The following SLC2A14 variants were observed in gnomAD, a reference collection of about 807,000 sequenced individuals.
SLC2A14 encodes the protein solute carrier family 2, facilitated glucose transporter member 14.
In SLC2A14, 13 loss-of-function variants were observed where a neutral mutation model predicts 43.0. That is an observed-to-expected ratio of 0.30 (90% CI 0.20 to 0.48). The LOEUF is 0.48. SLC2A14 is among the 20% of genes least tolerant of loss of function. The pLI is 0.99. For synonymous variants in SLC2A14, 190 were observed against 233.8 expected, an observed-to-expected ratio of 0.81 and a Z score of 1.71; for missense variants, 428 against 620.4, an observed-to-expected ratio of 0.69 and a Z score of 3.29.
upstream of SLC2A14, chr12:7,873,094 G>C (rs1041764763): frequency 6.4e-4 from 627 of 985,440 alleles, no homozygotes; most frequent in African/African-American, 0.01. Context: ...CGCACCGCAC[G>C]GTCCAGCCCC....
intron 1 of SLC2A14, among the ~76,000 whole-genome samples, chr12:7,882,330 G>A (rs1333416787): frequency 6.6e-6 from 1 of 151,810 alleles, no homozygotes; most frequent in African/African-American, 2.4e-5. Flanking sequence ...CAACCCACCA[G>A]AAGGAAAAAA....
At chr12:7,866,715 G>A (rs761642819) in intron 2 of SLC2A14, among the ~76,000 whole-genome samples, 2 of 152,260 alleles carry the variant, frequency 1.3e-5, no homozygotes, top group Admixed American at 1.3e-4. Flanking sequence ...AGCTGTAGAA[G>A]AAATGTTAGA....
At chr12:7,828,609 G>T in intron 6 of SLC2A14, 95 bp downstream of exon 6, 1 of 1,313,796 alleles carries the variant, frequency 7.6e-7, no homozygotes, top group Non-Finnish European at 1.1e-6. Context: ...CTGACGGGCA[G>T]GGAAAGGGTA....
chr12:7,836,799 G>A (rs1865498444), intron 2 of SLC2A14, among the ~76,000 whole-genome samples: 1 of 151,886 alleles, frequency 6.6e-6, no homozygotes, highest in East Asian at 1.9e-4. Context: ...TCATGCCACT[G>A]CACACCAGCC....
At chr12:7,843,917 A>G (rs1227869256) in intron 2 of SLC2A14, among the ~76,000 whole-genome samples, 2 of 150,204 alleles carry the variant, frequency 1.3e-5, no homozygotes, top group Non-Finnish European at 3.0e-5. Context: ...ATTGTTTTCT[A>G]GTGGTGATAG....
intron 1 of SLC2A14, among the ~76,000 whole-genome samples, chr12:7,883,081 C>T (rs1449831006): frequency 2.0e-5 from 3 of 150,736 alleles, no homozygotes; most frequent in Non-Finnish European, 4.4e-5. Flanking sequence ...TGGTGGTGGG[C>T]ACCTGTAATC....
In SLC2A14 at chr12:7,826,861, T is replaced by TCTTTCTTC. The variant is rs1555121667; in HGVS notation, c.864+633_864+634insGAAGAAAG. Among the ~76,000 whole-genome samples the TCTTTCTTC allele has an allele frequency of 2.2e-4, 13 of 60,328 alleles. 1 individual carries two copies. The East Asian group carries it at 4.2e-3, about 19-fold the overall frequency. 39.6% of individuals were successfully genotyped at this position (60,328 alleles called of 152,430 possible). A position where few individuals can be genotyped will look rare whatever the true frequency, so the allele number is the denominator to read the frequency against. ...TCCTTCCTTCCTTCCTTCCTTTCTT[T>TCTTTCTTC]TTTCTTTCTTTCTTTCTTTCTTTCT... On this transcript the variant is annotated intron_variant, in intron 7 of 10. Coordinates refer to ENST00000431042, the MANE Select transcript of SLC2A14 (RefSeq NM_001286234.2).
intron 2 of SLC2A14, among the ~76,000 whole-genome samples, chr12:7,860,078 A>C (rs1010328956): frequency 1.3e-5 from 2 of 152,156 alleles, no homozygotes; most frequent in African/African-American, 4.8e-5. Flanking sequence ...CATCCTTGGT[A>C]TTACCAGAGC....
upstream of SLC2A14, among the ~76,000 whole-genome samples, chr12:7,878,377 G>A (rs989119921): frequency 1.3e-5 from 2 of 151,916 alleles, no homozygotes; most frequent in Admixed American, 6.6e-5. Flanking sequence ...TCCTGCCTCA[G>A]TCTCCTGGGT....
chr12:7,830,816 G>C (rs1413888994), intron 4 of SLC2A14, among the ~76,000 whole-genome samples: 1 of 152,076 alleles, frequency 6.6e-6, no homozygotes, highest in East Asian at 1.9e-4. Flanking sequence ...TACTAAGCTA[G>C]TATAAAATAA....
At chr12:7,816,055 C>T (rs1863418069) in intron 10 of SLC2A14, among the ~76,000 whole-genome samples, 1 of 150,908 alleles carries the variant, frequency 6.6e-6, no homozygotes, top group Non-Finnish European at 1.5e-5. Context: ...CGCCTGCCAC[C>T]ACACCCAGCT....
At chr12:7,885,249 G>A (rs1565591516) in intron 1 of SLC2A14, among the ~76,000 whole-genome samples, 1 of 152,108 alleles carries the variant, frequency 6.6e-6, no homozygotes. Flanking sequence ...GGCAGATCAC[G>A]AGGTCAGGCA....
intron 2 of SLC2A14, among the ~76,000 whole-genome samples, chr12:7,866,612 C>T (rs1016969883): frequency 6.6e-6 from 1 of 152,096 alleles, no homozygotes; most frequent in African/African-American, 2.4e-5. Context: ...GTGATCCACC[C>T]GCCTCAGCCT....
rs769226487 is a variant in SLC2A14 at position 7,814,339 on chromosome 12, T to C, written c.1471A>G (p.Lys491Glu). 1.9e-6 allele frequency: 3 copies of C among 1,608,724 alleles called. No homozygotes were observed. In the South Asian group the frequency reaches 3.3e-5, roughly 18 times the overall value. The change falls in exon 11 of 11, where the codon AAG (lysine) becomes GAG (glutamate). Residue 491 changes from lysine (K) to glutamate (E), a missense_variant. Transcript: ENST00000431042. ...ACTTAGACATTGGTGGTGGTCTCCT[T>C]AGCAGGCTCGATGCTGTTCATCCCC... ...VMGMNSIEPA[K>E]ETTTNV
At position 7,831,724 on chromosome 12, in the gene SLC2A14, G is replaced by C. The variant is rs200114299; in HGVS notation, c.152C>G (p.Ala51Gly). Residue 51 changes from alanine to glycine, a missense_variant, in exon 4 of 11, where the codon GCA becomes GGA. Around this residue, in one of 4 missense-constraint regions of SLC2A14, gnomAD observed 122 missense variants for 128.8 expected, o/e 0.95. Transcript: ENST00000431042. ...EFINKTLTDK[A>G]NAPPSEVLLT... ...CAGCACCTCAGAGGGAGGGGCATTT[G>C]CCTTGTCCGTCAAAGTTTTATTGAT... 4.3e-6 allele frequency: 7 copies of C among 1,614,218 alleles called. No homozygotes were observed. Among genetic ancestry groups the C allele is most frequent in the East Asian group, 2.2e-5 (1 of 44,890 alleles).
At chr12:7,839,894 C>T (rs1286462256) in intron 2 of SLC2A14, 5 of 425,516 alleles carry the variant, frequency 1.2e-5, no homozygotes, top group Non-Finnish European at 2.3e-5. Flanking sequence ...TTTGGACCAG[C>T]CTGGGCGACA....
In SLC2A14 at chr12:7,828,866, T is replaced by A. The variant is rs148665169; in HGVS notation, c.514A>T (p.Ile172Phe). Residue 172 changes from isoleucine to phenylalanine, a missense_variant and splice_region_variant, in exon 6 of 11, where the codon ATC (isoleucine) becomes TTC (phenylalanine). Ile to Phe is a conservative substitution (Grantham distance 21, BLOSUM62 0). Coordinates refer to ENST00000431042, the MANE Select transcript of SLC2A14 (RefSeq NM_001286234.2). The part of the protein sequence containing the change: ...GIVIGILVAQ[I>F]FGLELILGSE... ...CCAAGGATGAGTTCCAGACCAAAGA[T>A]CTAGAAACCACACAAAGATAATGCT... The A allele has an allele frequency of 1.3e-4, 205 of 1,612,858 alleles. 1 individual carries two copies. In the African/African-American group the frequency reaches 2.2e-3, roughly 18 times the overall value.
intron 2 of SLC2A14, among the ~76,000 whole-genome samples, chr12:7,853,331 C>T (rs1867087952): frequency 6.8e-6 from 1 of 147,926 alleles, no homozygotes. Context: ...CCCAGCTACT[C>T]AGGAGGCTGA....
At chr12:7,836,090 A>C (rs1418442398) in intron 2 of SLC2A14, among the ~76,000 whole-genome samples, 1 of 152,168 alleles carries the variant, frequency 6.6e-6, no homozygotes, top group Non-Finnish European at 1.5e-5. Context: ...TCCGTTCCAC[A>C]TCAGGGCTAG....
Sources: gnomAD v4.1 joint callset for allele counts (sites outside exome capture counted in the v4.1 genomes callset) on GRCh38, gnomAD v4.1.1 for gene constraint, gnomAD v4.1.1 regional missense constraint, MANE v1.5 for transcripts, NCBI Gene and HGNC (gene_info 2026-07-23, HGNC 2026-07-21) for gene names.